Variants in NINL observed in about 807,000 individuals in gnomAD.
The protein encoded by NINL is ninein like, also known as ninein-like protein.
NINL carries 153 observed loss-of-function variants against 160.3 expected under a neutral mutation model. That is an observed-to-expected ratio of 0.95 (90% CI 0.84 to 1.09). The LOEUF (loss-of-function observed/expected upper bound fraction) is 1.09, where lower values mean the gene tolerates loss of function less well. NINL is among the 50% of genes least tolerant of loss of function. The probability of loss-of-function intolerance (pLI) is 0.00; values close to 1 mark genes in which losing one functional copy is unlikely to be tolerated. For missense variants in NINL, 1,829 were observed against 1,764.0 expected, an observed-to-expected ratio of 1.04 and a Z score of -0.66; for synonymous variants, 800 against 734.8, an observed-to-expected ratio of 1.09 and a Z score of -1.43.
intron 1 of NINL, among the ~76,000 whole-genome samples, chr20:25,540,886 G>C (rs1474596194): frequency 6.6e-6 from 1 of 150,720 alleles, no homozygotes; most frequent in Non-Finnish European, 1.5e-5. Flanking sequence ...TATTTATTTT[G>C]CAGGCACAGA....
intron 18 of NINL, among the ~76,000 whole-genome samples, chr20:25,468,528 C>A (rs545282405): frequency 9.2e-6 from 1 of 109,152 alleles, no homozygotes; most frequent in Non-Finnish European, 2.0e-5. Context: ...GTTGGCACTG[C>A]CCTGCCCTGT....
At chr20:25,473,891 T>C (rs1394615080) in intron 17 of NINL, among the ~76,000 whole-genome samples, 2 of 151,740 alleles carry the variant, frequency 1.3e-5, no homozygotes, top group Admixed American at 1.3e-4. Context: ...AATAAATAAA[T>C]AAAAAGTTAA....
At chr20:25,563,779 A>G (rs1441376868) in intron 1 of NINL, among the ~76,000 whole-genome samples, 2 of 152,222 alleles carry the variant, frequency 1.3e-5, no homozygotes, top group African/African-American at 4.8e-5. Context: ...CCAGAAATAA[A>G]GCAGGACATT....
At chr20:25,522,947 T>C (rs1218839021) in intron 2 of NINL, among the ~76,000 whole-genome samples, 1 of 152,172 alleles carries the variant, frequency 6.6e-6, no homozygotes, top group Non-Finnish European at 1.5e-5. Context: ...CAAATTACAA[T>C]TGTCTCTCAG....
At chr20:25,519,802 A>G (rs1046634889) in intron 2 of NINL, among the ~76,000 whole-genome samples, 2 of 151,988 alleles carry the variant, frequency 1.3e-5, no homozygotes, top group Middle Eastern at 3.4e-3. Flanking sequence ...TGATTGCTTG[A>G]GCTCAGGAGT....
intron 17 of NINL, 108 bp from the exon 18 acceptor site, chr20:25,470,203 C>T (rs759143925): frequency 4.4e-5 from 36 of 813,954 alleles, no homozygotes; most frequent in East Asian, 2.7e-4. Context: ...CCCATCTCCC[C>T]GTCCCTGGAG....
At chr20:25,581,379 T>C (rs550673799) in intron 1 of NINL, among the ~76,000 whole-genome samples, 29 of 151,764 alleles carry the variant, frequency 1.9e-4, no homozygotes, top group African/African-American at 6.5e-4. Flanking sequence ...GAGGCAGAGA[T>C]TGCAGTGAGC....
intron 1 of NINL, among the ~76,000 whole-genome samples, chr20:25,581,222 T>A (rs2065171514): frequency 6.6e-6 from 1 of 152,180 alleles, no homozygotes; most frequent in Non-Finnish European, 1.5e-5. Context: ...GGCAGGTGGA[T>A]CATTTGAGGT....
rs2062816354 is a variant in NINL, at chr20:25,462,477, G to A, written c.3488C>T (p.Ala1163Val). 3.7e-6 allele frequency: 6 copies of A among 1,614,100 alleles called. No homozygotes were observed. The highest frequency in any genetic ancestry group is 5.1e-6 in the Non-Finnish European group (6 of 1,179,964). The change falls in exon 20 of 24, where the codon GCT (alanine) becomes GTT (valine). Residue 1163 changes from alanine (A) to valine (V), a missense_variant. Physicochemically the swap from Ala to Val is moderately conservative, Grantham distance 64 (BLOSUM62 0). Coordinates refer to ENST00000278886, the MANE Select transcript of NINL (RefSeq NM_025176.6). ...NVRVLQLGQE[A>V]STHQAQNEEH... ...CTCGTTTTGGGCCTGGTGGGTAGAA[G>A]CCTCCTGTCCCAGTTGAAGAACCCT...
rs549239146 is a variant in NINL at position 25,519,216 on chromosome 20, T to C, written c.181-1367A>G. 3.3e-5 allele frequency among the ~76,000 whole-genome samples: 5 copies of C among 152,308 alleles called. No individual in the cohort carries two copies. The South Asian group carries it at 1.0e-3, about 32-fold the overall frequency. On this transcript the variant is annotated intron_variant, in intron 2 of 23. Coordinates refer to ENST00000278886, the MANE Select transcript of NINL (RefSeq NM_025176.6). ...TTGAGTATTAATAATACTTTTACTGTCTTCTATGACAATACAAAGCCAGTG... is the reference window on the plus strand; with the variant it reads ...TTGAGTATTAATAATACTTTTACTGCCTTCTATGACAATACAAAGCCAGTG...
chr20:25,556,641 T>C (rs1250013005), intron 1 of NINL, among the ~76,000 whole-genome samples: 1 of 150,906 alleles, frequency 6.6e-6, no homozygotes, highest in Non-Finnish European at 1.5e-5. Flanking sequence ...AATTAATTAG[T>C]AATTAAATAA....
intron 8 of NINL, among the ~76,000 whole-genome samples, chr20:25,500,036 C>A (rs899648092): frequency 6.6e-6 from 1 of 150,486 alleles, no homozygotes; most frequent in South Asian, 2.1e-4. Flanking sequence ...ACACCCACTA[C>A]ACCAACAGCT....
intron 2 of NINL, among the ~76,000 whole-genome samples, chr20:25,518,850 C>T (rs1173508138): frequency 2.0e-5 from 3 of 151,898 alleles, no homozygotes; most frequent in African/African-American, 7.3e-5. Context: ...GTAATCCCAG[C>T]ACTTTGGGAG....
At chr20:25,541,938 T>C (rs547349092) in intron 1 of NINL, among the ~76,000 whole-genome samples, 1 of 152,238 alleles carries the variant, frequency 6.6e-6, no homozygotes, top group Admixed American at 6.5e-5. Context: ...GGGTCAGACG[T>C]TCCCACAGAA....
chr20:25,516,639 T>C (rs1371970054), intron 3 of NINL, among the ~76,000 whole-genome samples: 11 of 152,126 alleles, frequency 7.2e-5, no homozygotes. Flanking sequence ...TCCTGTGCCT[T>C]AGGGAGAGTA....
At chr20:25,547,934 C>A (rs1370456749) in intron 1 of NINL, among the ~76,000 whole-genome samples, 1 of 152,180 alleles carries the variant, frequency 6.6e-6, no homozygotes, top group Non-Finnish European at 1.5e-5. Context: ...AAAGAAGATT[C>A]ATTAATGGGC....
chr20:25,570,922 C>G (rs1296598958), intron 1 of NINL, among the ~76,000 whole-genome samples: 1 of 151,828 alleles, frequency 6.6e-6, no homozygotes, highest in Admixed American at 6.6e-5. Flanking sequence ...AGGCTGGTCT[C>G]AAACTCCTGG....
intron 6 of NINL, 114 bp from the exon 7 acceptor site, chr20:25,504,218 T>A: frequency 1.8e-6 from 2 of 1,128,124 alleles, no homozygotes; most frequent in South Asian, 3.1e-5. Context: ...AAGGGCCGTT[T>A]CCTAGTCTTA....
intron 1 of NINL, among the ~76,000 whole-genome samples, chr20:25,542,748 A>G (rs1350877715): frequency 2.2e-5 from 2 of 91,072 alleles, no homozygotes; most frequent in African/African-American, 8.0e-5. Flanking sequence ...AAAAAAAAAA[A>G]GCCTGGGCGT....
Sources: allele counts gnomAD v4.1 joint callset (sites outside exome capture counted in the v4.1 genomes callset), GRCh38; gene constraint gnomAD v4.1.1; transcripts MANE v1.5; gene names NCBI Gene and HGNC (gene_info 2026-07-23, HGNC 2026-07-21).